DLC1: variants seen among roughly 807,000 people sequenced by gnomAD.
DLC1 encodes the protein rho GTPase-activating protein 7.
A neutral mutation model predicts 140.3 loss-of-function variants in DLC1; 54 were observed. That is an observed-to-expected ratio of 0.38 (90% CI 0.31 to 0.48). The LOEUF is 0.48. Among genes scored for constraint, DLC1 ranks in the 20% least tolerant of loss-of-function variants. The pLI is 0.96. For synonymous variants in DLC1, 986 were observed against 728.1 expected, an observed-to-expected ratio of 1.35 and a Z score of -5.70; for missense variants, 2,536 against 1,907.0, an observed-to-expected ratio of 1.33 and a Z score of -6.14.
At chr8:13,554,534 T>A (rs772279954) in intron 1 of DLC1, among the ~76,000 whole-genome samples, 1 of 152,204 alleles carries the variant, frequency 6.6e-6, no homozygotes, top group Non-Finnish European at 1.5e-5. Flanking sequence ...CAACTGTTTT[T>A]CTTGAATTAT....
At chr8:13,430,098 GGCATC>G (rs1838792954) in intron 2 of DLC1, among the ~76,000 whole-genome samples, 1 of 152,116 alleles carries the variant, frequency 6.6e-6, no homozygotes, top group Non-Finnish European at 1.5e-5. Context: ...ATGGTATATA[GGCATC>G]AGTATTTTAT....
rs190861842 is a variant in DLC1 at position 13,101,114 on chromosome 8, C to T, written c.1567-344G>A. Among the ~76,000 whole-genome samples the T allele has an allele frequency of 3.5e-3, 529 of 152,158 alleles. 2 individuals carry two copies. The highest frequency in any genetic ancestry group is 7.4e-3 in the Admixed American group (113 of 15,272). On this transcript the variant is annotated intron_variant, in intron 8 of 17. Coordinates refer to ENST00000276297, the MANE Select transcript of DLC1 (RefSeq NM_182643.3). ...TGTAGAGAGCAGTAGTCTTACTATG[C>T]TGCCTAGGCTGGTCTCAAACTCCTG...
chr8:13,247,999 T>C (rs1167609009), intron 5 of DLC1, among the ~76,000 whole-genome samples: 1 of 152,210 alleles, frequency 6.6e-6, no homozygotes, highest in Non-Finnish European at 1.5e-5. Flanking sequence ...AAACCATGCA[T>C]CGGCTGTCTA....
At chr8:13,183,920 A>C (rs767383840) in intron 5 of DLC1, among the ~76,000 whole-genome samples, 4 of 152,302 alleles carry the variant, frequency 2.6e-5, no homozygotes, top group Middle Eastern at 6.8e-3. Flanking sequence ...TTCTGGTAGA[A>C]TTTGGCTGTG....
At chr8:13,281,135 G>A (rs974171927) in intron 5 of DLC1, among the ~76,000 whole-genome samples, 3 of 152,358 alleles carry the variant, frequency 2.0e-5, no homozygotes, top group African/African-American at 7.2e-5. Flanking sequence ...TATGTTATAT[G>A]CCATGGAGGA....
intron 4 of DLC1, among the ~76,000 whole-genome samples, chr8:13,378,951 T>C (rs1364444437): frequency 1.3e-5 from 2 of 152,206 alleles, no homozygotes; most frequent in African/African-American, 4.8e-5. Context: ...ATAATAAATA[T>C]ATAATGTTAA....
chr8:13,111,551 A>G (rs1820113415), intron 6 of DLC1, among the ~76,000 whole-genome samples: 1 of 152,186 alleles, frequency 6.6e-6, no homozygotes, highest in Admixed American at 6.5e-5. Flanking sequence ...CAGTCGACTC[A>G]ATGGAGGAAT....
At chr8:13,401,249 AG>A (rs1383306592) in intron 3 of DLC1, among the ~76,000 whole-genome samples, 1 of 151,990 alleles carries the variant, frequency 6.6e-6, no homozygotes, top group Non-Finnish European at 1.5e-5. Context: ...ATGATAAACA[AG>A]TTCTTTTGTA....
intron 5 of DLC1, among the ~76,000 whole-genome samples, chr8:13,196,568 T>A (rs1016348100): frequency 6.6e-6 from 1 of 152,216 alleles, no homozygotes; most frequent in African/African-American, 2.4e-5. Context: ...TGTGATTCTG[T>A]GGTTCTATGA....
intron 4 of DLC1, among the ~76,000 whole-genome samples, chr8:13,323,812 T>C (rs745639970): frequency 2.6e-5 from 4 of 152,212 alleles, no homozygotes; most frequent in Non-Finnish European, 5.9e-5. Flanking sequence ...AGGAGGCATT[T>C]TGTTAACTGG....
intron 1 of DLC1, among the ~76,000 whole-genome samples, chr8:13,575,361 G>A (rs967093428): frequency 6.6e-6 from 1 of 152,038 alleles, no homozygotes; most frequent in African/African-American, 2.4e-5. Flanking sequence ...GGTACGAGAG[G>A]CAGTCTTTCA....
At chr8:13,205,780 G>A (rs1377631298) in intron 5 of DLC1, among the ~76,000 whole-genome samples, 2 of 152,150 alleles carry the variant, frequency 1.3e-5, no homozygotes, top group Non-Finnish European at 2.9e-5. Flanking sequence ...GTAGACATAA[G>A]AGAGTTTAAA....
intron 1 of DLC1, among the ~76,000 whole-genome samples, chr8:13,510,369 G>T (rs1195042237): frequency 2.0e-5 from 3 of 152,002 alleles, no homozygotes; most frequent in African/African-American, 4.8e-5. Flanking sequence ...GAGAGATGGG[G>T]TTTCACCATG....
At chr8:13,090,543 G>A (rs903954330) in intron 14 of DLC1, 73 bp from the exon 15 acceptor site, 2 of 1,542,386 alleles carry the variant, frequency 1.3e-6, no homozygotes, top group Admixed American at 1.8e-5. Context: ...CAGTGGAAAA[G>A]ACTGGGTAGG....
At chr8:13,173,638 G>C (rs1354947263) in intron 5 of DLC1, among the ~76,000 whole-genome samples, 1 of 152,142 alleles carries the variant, frequency 6.6e-6, no homozygotes, top group Admixed American at 6.5e-5. Flanking sequence ...CCAAAGTGCT[G>C]AGATTACAGG....
rs564382326 is a variant in DLC1 at position 13,091,530 on chromosome 8, T to A, written c.3741-98A>T. Reference sequence around the variant, plus strand: ...AACCCAAAGAAGAGAGAAAAAAAAATTTTCACTGGAATCTGTTTATTGTTA... The same window carrying A: ...AACCCAAAGAAGAGAGAAAAAAAAAATTTCACTGGAATCTGTTTATTGTTA... On this transcript the variant is annotated intron_variant, in intron 13 of 17. Coordinates refer to ENST00000276297, the MANE Select transcript of DLC1 (RefSeq NM_182643.3). 7.7e-5 allele frequency: 78 copies of A among 1,015,988 alleles called. 1 individual carries two copies. The highest frequency in any genetic ancestry group is 5.4e-4 in the Middle Eastern group (2 of 3,728). 62.9% of individuals were successfully genotyped at this position (1,015,988 alleles called of 1,614,324 possible).
chr8:13,526,478 G>T (rs1014634515), intron 1 of DLC1, among the ~76,000 whole-genome samples: 14 of 152,042 alleles, frequency 9.2e-5, no homozygotes, highest in African/African-American at 3.4e-4. Flanking sequence ...AGTTTCTCAG[G>T]AGTGTTTCCT....
At chr8:13,156,910 G>A (rs1824298678) in intron 5 of DLC1, among the ~76,000 whole-genome samples, 1 of 152,198 alleles carries the variant, frequency 6.6e-6, no homozygotes, top group South Asian at 2.1e-4. Context: ...AATAGCCACT[G>A]TCTATTGCCT....
At chr8:13,496,831 C>T (rs1230290180) in intron 2 of DLC1, among the ~76,000 whole-genome samples, 6 of 125,472 alleles carry the variant, frequency 4.8e-5, no homozygotes, top group Admixed American at 1.1e-4. Context: ...GATGGAGTTT[C>T]GCTGTGTCAC....
Sources: allele counts gnomAD v4.1 joint callset (sites outside exome capture counted in the v4.1 genomes callset), GRCh38; gene constraint gnomAD v4.1.1; transcripts MANE v1.5; gene names NCBI Gene and HGNC (gene_info 2026-07-23, HGNC 2026-07-21).